The following PCDHGA6 variants were observed in gnomAD, a reference collection of about 807,000 sequenced individuals.
The protein encoded by PCDHGA6 is protocadherin gamma-A6.
A neutral mutation model predicts 60.6 loss-of-function variants in PCDHGA6; 41 were observed. The ratio of observed to expected loss-of-function variants is 0.68; its 90% CI spans 0.53 to 0.88. The LOEUF (loss-of-function observed/expected upper bound fraction) is 0.88, where lower values mean the gene tolerates loss of function less well. Among genes scored for constraint, PCDHGA6 ranks in the 40% least tolerant of loss-of-function variants. The probability of loss-of-function intolerance (pLI) is 0.00; values close to 1 mark genes in which losing one functional copy is unlikely to be tolerated. For missense variants in PCDHGA6, 1,312 were observed against 1,203.0 expected, an observed-to-expected ratio of 1.09 and a Z score of -1.34; for synonymous variants, 594 against 524.4, an observed-to-expected ratio of 1.13 and a Z score of -1.81.
At chr5:141,494,099 C>T (rs976610819) in intron 1 of PCDHGA6, among the ~76,000 whole-genome samples, 3 of 152,172 alleles carry the variant, frequency 2.0e-5, no homozygotes, top group South Asian at 2.1e-4. Context: ...CATTTTTCTC[C>T]GTCTCAGACA....
rs367744321 is a variant in PCDHGA6, at chr5:141,489,394, C to G, written c.2425-5413C>G. The G allele has an allele frequency of 3.7e-6, 6 of 1,614,008 alleles. No individual in the cohort carries two copies. In the African/African-American group the frequency reaches 6.7e-5, roughly 18 times the overall value. On this transcript the variant is annotated intron_variant, in intron 1 of 3. Transcript: ENST00000517434. The surrounding 1 kb of genome is among the most constrained non-coding windows in gnomAD (Gnocchi z 4.5). ...GCTGGTGGGGAATGTTGCTCAGGATCTGGGCTTAAAGATGACAGATCTGTT... is the reference window on the plus strand; with the variant it reads ...GCTGGTGGGGAATGTTGCTCAGGATGTGGGCTTAAAGATGACAGATCTGTT...
At chr5:141,419,897 A>C in intron 1 of PCDHGA6, 1 of 1,613,960 alleles carries the variant, frequency 6.2e-7, no homozygotes, top group Non-Finnish European at 8.5e-7. Context: ...CGACCATCCC[A>C]CACCCTCTGA....
intron 1 of PCDHGA6, chr5:141,391,737 T>C (rs1050956818): frequency 6.6e-6 from 1 of 152,224 alleles, no homozygotes; most frequent in Non-Finnish European, 1.5e-5. Context: ...TTTGTAGTCA[T>C]ACTTATCCTT....
chr5:141,483,711 A>G (rs1258383632), intron 1 of PCDHGA6, among the ~76,000 whole-genome samples: 2 of 152,122 alleles, frequency 1.3e-5, no homozygotes, highest in African/African-American at 2.4e-5. Context: ...TGACACCAGA[A>G]TATTGGTTCC....
intron 1 of PCDHGA6, among the ~76,000 whole-genome samples, chr5:141,382,245 A>C (rs1778064019): frequency 6.6e-6 from 1 of 152,172 alleles, no homozygotes; most frequent in South Asian, 2.1e-4. Flanking sequence ...GACTTTCTGA[A>C]TCTTGCATCA....
At chr5:141,433,546 T>C (rs1317735935) in intron 1 of PCDHGA6, among the ~76,000 whole-genome samples, 1 of 152,090 alleles carries the variant, frequency 6.6e-6, no homozygotes, top group Non-Finnish European at 1.5e-5. Context: ...TATCAGATAT[T>C]CTTTTCTGGC....
Position 141,477,710 on chromosome 5 carries a change from G to A in PCDHGA6, c.2425-17097G>A, listed in dbSNP as rs747156156. ...GCCCCTAGACTATGAGGATCGGCGG[G>A]AATTTGAATTAACAGCTCATATCAG... On this transcript the variant is annotated intron_variant, in intron 1 of 3. Transcript: ENST00000517434. This position sits in a 1 kb window ranked among gnomAD's most constrained non-coding sequence, Gnocchi z 4.9. 2.5e-6 allele frequency: 4 copies of A among 1,613,918 alleles called. No homozygotes were observed. Among genetic ancestry groups the A allele is most frequent in the Middle Eastern group, 3.3e-4 (2 of 6,062 alleles).
At chr5:141,423,228 C>G (rs1321708353) in intron 1 of PCDHGA6, 5 of 1,613,866 alleles carry the variant, frequency 3.1e-6, no homozygotes, top group Non-Finnish European at 2.5e-6. Context: ...CTGTGGCCGA[C>G]AGCATCCCCG....
intron 1 of PCDHGA6, among the ~76,000 whole-genome samples, chr5:141,469,909 C>G (rs760329158): frequency 2.0e-5 from 3 of 152,120 alleles, no homozygotes; most frequent in Non-Finnish European, 2.9e-5. Context: ...GGCAGGCAGA[C>G]CACCCGAGGT....
rs902072815 is a variant in PCDHGA6, at chr5:141,495,024, C to A, written c.2483+159C>A. On this transcript the variant is annotated intron_variant, in intron 2 of 3. Coordinates refer to ENST00000517434, the MANE Select transcript of PCDHGA6 (RefSeq NM_018919.3). ...GGTGTGCGGGGGGCTGGCACACAGACCCCGGAAGGAAGAGGCGACTGCCCT... is the reference window on the plus strand; with the variant it reads ...GGTGTGCGGGGGGCTGGCACACAGAACCCGGAAGGAAGAGGCGACTGCCCT... The A allele has an allele frequency of 1.6e-5, 16 of 973,368 alleles. No homozygotes were observed. In the South Asian group the frequency reaches 5.7e-4, roughly 35 times the overall value. The allele number at this position is 973,368 out of a possible 1,614,324, so 60.3% of individuals were successfully genotyped here. A position where few individuals can be genotyped will look rare whatever the true frequency, so the allele number is the denominator to read the frequency against.
intron 1 of PCDHGA6, among the ~76,000 whole-genome samples, chr5:141,480,187 T>TGAGGCCAGCAGTTC (rs2099513839): frequency 6.6e-6 from 1 of 151,380 alleles, no homozygotes; most frequent in Admixed American, 6.6e-5. Context: ...GCGGATTGCT[T>TGAGGCCAGCAGTTC]GAGGCCAGCA....
At chr5:141,494,445 A>G (rs1424475551) in intron 1 of PCDHGA6, among the ~76,000 whole-genome samples, 1 of 152,158 alleles carries the variant, frequency 6.6e-6, no homozygotes, top group East Asian at 1.9e-4. Flanking sequence ...TTGCCACTTT[A>G]GGGGGCTTTG....
chr5:141,495,921 T>C (rs959070876), intron 2 of PCDHGA6, among the ~76,000 whole-genome samples: 1 of 152,196 alleles, frequency 6.6e-6, no homozygotes, highest in Non-Finnish European at 1.5e-5. Context: ...TCTTTCTTTG[T>C]CTCTGTCTCT....
Position 141,432,394 on chromosome 5 carries a change from C to T in PCDHGA6, c.2424+55887C>T, listed in dbSNP as rs149830124. The T allele has an allele frequency of 1.7e-5, 27 of 1,614,260 alleles. No individual in the cohort carries two copies. The African/African-American group carries it at 2.7e-4, about 16-fold the overall frequency. On this transcript the variant is annotated intron_variant, in intron 1 of 3. Transcript: ENST00000517434. The surrounding 1 kb of genome is among the most constrained non-coding windows in gnomAD (Gnocchi z 6.0). ...ACGGGCACCCGCCCCTCAGCAGCAA[C>T]GTGTCGTTGAGCCTGTTCGTGCTGG...
chr5:141,444,152 A>ATTTTTTTTT (rs747671382), intron 1 of PCDHGA6, among the ~76,000 whole-genome samples: 2 of 33,898 alleles, frequency 5.9e-5, no homozygotes, highest in Non-Finnish European at 5.2e-5. Context: ...TGTGTACTGG[A>ATTTTTTTTT]TTTTTTTTTT....
chr5:141,477,063 A>G lies in PCDHGA6; in HGVS notation c.2425-17744A>G, dbSNP rs2099404387. 6.2e-7 allele frequency: 1 copy of G among 1,614,248 alleles called. No individual in the cohort carries two copies. On this transcript the variant is annotated intron_variant, in intron 1 of 3. Coordinates refer to ENST00000517434, the MANE Select transcript of PCDHGA6 (RefSeq NM_018919.3). The surrounding 1 kb of genome is among the most constrained non-coding windows in gnomAD (Gnocchi z 4.9). Reference sequence around the variant, plus strand: ...GGTCGGCTGGACTTCGAGGACACCAAACTCCATGAGATTTACATCCAGGCC... The same window carrying G: ...GGTCGGCTGGACTTCGAGGACACCAGACTCCATGAGATTTACATCCAGGCC...
intron 1 of PCDHGA6, chr5:141,385,263 T>G: frequency 6.2e-7 from 1 of 1,613,672 alleles, no homozygotes; most frequent in Non-Finnish European, 8.5e-7. Context: ...GTGAGAAAAA[T>G]GATTCTTTGC....
intron 1 of PCDHGA6, chr5:141,421,720 G>T: frequency 6.2e-7 from 1 of 1,613,906 alleles, no homozygotes. Context: ...AGATGTGGGC[G>T]TGAACTCCCT....
rs757924501 is a variant in PCDHGA6, at chr5:141,490,548, A to G, written c.2425-4259A>G. 1.2e-6 allele frequency: 2 copies of G among 1,614,084 alleles called. No individual in the cohort carries two copies. Among genetic ancestry groups the G allele is most frequent in the South Asian group, 2.2e-5 (2 of 91,080 alleles). ...ATGCTGGTTCACCTTCCCTACACAA[A>G]CATCTCACCATCAGGCTCAACATTT... On this transcript the variant is annotated intron_variant, in intron 1 of 3. Transcript: ENST00000517434. This position sits in a 1 kb window ranked among gnomAD's most constrained non-coding sequence, Gnocchi z 5.4.
Sources: gnomAD v4.1 joint callset for allele counts (sites outside exome capture counted in the v4.1 genomes callset) on GRCh38, gnomAD v4.1.1 for gene constraint, Gnocchi (gnomAD v3.1) non-coding constraint, MANE v1.5 for transcripts, NCBI Gene and HGNC (gene_info 2026-07-23, HGNC 2026-07-21) for gene names.